NALF1: variants seen among roughly 807,000 people sequenced by gnomAD.
The protein encoded by NALF1 is family with sequence similarity 155 member A.
A neutral mutation model predicts 48.4 loss-of-function variants in NALF1; 3 were observed. The ratio of observed to expected loss-of-function variants is 0.06; its 90% CI spans 0.03 to 0.16. The LOEUF is 0.16. NALF1 is among the 10% of genes least tolerant of loss of function. The pLI is 1.00. For missense variants in NALF1, 526 were observed against 571.5 expected, an observed-to-expected ratio of 0.92 and a Z score of 0.81; for synonymous variants, 262 against 245.7, an observed-to-expected ratio of 1.07 and a Z score of -0.62.
chr13:107,641,102 C>A (rs1880142945), intron 1 of NALF1, among the ~76,000 whole-genome samples: 1 of 152,138 alleles, frequency 6.6e-6, no homozygotes, highest in African/African-American at 2.4e-5. Flanking sequence ...ATCTTATTTA[C>A]AGCAACATGG....
At chr13:107,575,163 T>C (rs1291243362) in intron 1 of NALF1, among the ~76,000 whole-genome samples, 2 of 151,832 alleles carry the variant, frequency 1.3e-5, no homozygotes, top group Admixed American at 6.6e-5. Flanking sequence ...CAGACTTAGA[T>C]AAATGGGTCA....
At chr13:107,459,398 T>TAC (rs1884879496) in intron 1 of NALF1, among the ~76,000 whole-genome samples, 1 of 151,448 alleles carries the variant, frequency 6.6e-6, no homozygotes, top group Non-Finnish European at 1.5e-5. Flanking sequence ...TACAAATATA[T>TAC]ATATATATAA....
chr13:107,578,297 A>G (rs1448207931), intron 1 of NALF1, among the ~76,000 whole-genome samples: 1 of 152,156 alleles, frequency 6.6e-6, no homozygotes, highest in Admixed American at 6.5e-5. Context: ...TCCCTCATGG[A>G]CAATTTTTCT....
At chr13:107,627,457 C>T (rs1879704798) in intron 1 of NALF1, among the ~76,000 whole-genome samples, 1 of 151,960 alleles carries the variant, frequency 6.6e-6, no homozygotes, top group African/African-American at 2.4e-5. Flanking sequence ...TGTTATTTAC[C>T]ATGAGCGAGG....
intron 1 of NALF1, among the ~76,000 whole-genome samples, chr13:107,532,867 C>T (rs1876686843): frequency 6.6e-6 from 1 of 151,884 alleles, no homozygotes; most frequent in African/African-American, 2.4e-5. Context: ...ATTATATTAA[C>T]TGAAGACAAA....
chr13:107,834,649 C>A (rs1879837972), intron 1 of NALF1, among the ~76,000 whole-genome samples: 1 of 151,968 alleles, frequency 6.6e-6, no homozygotes, highest in African/African-American at 2.4e-5. Context: ...GATTTTTTTA[C>A]AAGAAAAAAT....
chr13:107,757,831 G>T (rs751223202), intron 1 of NALF1, among the ~76,000 whole-genome samples: 33 of 152,154 alleles, frequency 2.2e-4, no homozygotes, highest in Non-Finnish European at 3.7e-4. Flanking sequence ...TGAATATTTA[G>T]ATTTAAATAA....
intron 1 of NALF1, among the ~76,000 whole-genome samples, chr13:107,758,317 C>G (rs1877173031): frequency 6.6e-6 from 1 of 152,210 alleles, no homozygotes; most frequent in African/African-American, 2.4e-5. Context: ...TGTATTCCCA[C>G]TTACTATAAA....
chr13:107,606,369 A>T (rs186751530), intron 1 of NALF1, among the ~76,000 whole-genome samples: 334 of 146,046 alleles, frequency 2.3e-3, no homozygotes, highest in Non-Finnish European at 3.5e-3. Context: ...ATTTATTTAT[A>T]TATATATATA....
chr13:107,499,955 T>C (rs1310225768), intron 1 of NALF1, among the ~76,000 whole-genome samples: 2 of 152,194 alleles, frequency 1.3e-5, no homozygotes, highest in Non-Finnish European at 2.9e-5. Context: ...CATTCTAATA[T>C]TCCATTTAAA....
At chr13:107,579,460 G>A (rs1878239816) in intron 1 of NALF1, among the ~76,000 whole-genome samples, 1 of 152,152 alleles carries the variant, frequency 6.6e-6, no homozygotes, top group African/African-American at 2.4e-5. Context: ...TCCTTATGTG[G>A]TCACTGGAGA....
At chr13:107,175,177 T>C (rs955280200) in intron 2 of NALF1, among the ~76,000 whole-genome samples, 9 of 145,988 alleles carry the variant, frequency 6.2e-5, no homozygotes, top group East Asian at 2.0e-4. Flanking sequence ...GCGTGAGCCA[T>C]CGCGCCCGGC....
chr13:107,183,202 G>T (rs1390466161), intron 2 of NALF1, among the ~76,000 whole-genome samples: 2 of 152,146 alleles, frequency 1.3e-5, no homozygotes, highest in Non-Finnish European at 2.9e-5. Context: ...CACCCCTGGG[G>T]GAACAAGTCC....
intron 2 of NALF1, among the ~76,000 whole-genome samples, chr13:107,207,682 T>C (rs1380957896): frequency 6.6e-6 from 1 of 152,194 alleles, no homozygotes; most frequent in Admixed American, 6.5e-5. Flanking sequence ...AGGGTCTCGC[T>C]ATGCTGCCCA....
At chr13:107,819,726 GTC>G (rs141973692) in intron 1 of NALF1, among the ~76,000 whole-genome samples, 152 of 121,110 alleles carry the variant, frequency 1.3e-3, no homozygotes, top group African/African-American at 2.1e-3. Context: ...TCTGGAAACT[GTC>G]TCTCTCTCTC....
Position 107,415,590 on chromosome 13 carries a change from T to G in NALF1, c.916-204835A>C, listed in dbSNP as rs375529572. 1.1e-4 allele frequency among the ~76,000 whole-genome samples: 17 copies of G among 152,246 alleles called. No homozygotes were observed. The East Asian group carries it at 3.1e-3, about 28-fold the overall frequency. ...TCTAAAGCAAAAGCAAAACAAAATA[T>G]GTATGACTTTTCGCCCAGAATAATT... On this transcript the variant is annotated intron_variant, in intron 1 of 2. Transcript: ENST00000375915.
intron 1 of NALF1, among the ~76,000 whole-genome samples, chr13:107,802,540 C>G (rs910333066): frequency 6.6e-6 from 1 of 151,806 alleles, no homozygotes; most frequent in African/African-American, 2.4e-5. Flanking sequence ...TTTCTGTAAC[C>G]CTTTTTAAAT....
chr13:107,379,588 C>A (rs1288102924), intron 1 of NALF1, among the ~76,000 whole-genome samples: 1 of 152,176 alleles, frequency 6.6e-6, no homozygotes, highest in Non-Finnish European at 1.5e-5. Context: ...AGGAAACCCA[C>A]ACCCTTCTCA....
At chr13:107,698,488 A>G (rs1881745289) in intron 1 of NALF1, among the ~76,000 whole-genome samples, 2 of 152,044 alleles carry the variant, frequency 1.3e-5, no homozygotes, top group African/African-American at 4.8e-5. Context: ...TCCTTTAACT[A>G]TAGCTGTCTC....
Sources: gnomAD v4.1 joint callset for allele counts (sites outside exome capture counted in the v4.1 genomes callset) on GRCh38, gnomAD v4.1.1 for gene constraint, MANE v1.5 for transcripts, NCBI Gene and HGNC (gene_info 2026-07-23, HGNC 2026-07-21) for gene names.